Variants in KLHL1 observed in about 807,000 individuals in gnomAD.
KLHL1 encodes the protein kelch-like protein 1.
In KLHL1, 47 loss-of-function variants were observed where a neutral mutation model predicts 77.7. The observed-to-expected ratio is 0.60, with a 90% CI of 0.48 to 0.77. The LOEUF is 0.77. Ranked by LOEUF, KLHL1 falls within the 30% of genes least tolerant of loss-of-function variation. KLHL1 has a pLI of 0.00. For synonymous variants in KLHL1, 360 were observed against 325.2 expected, an observed-to-expected ratio of 1.11 and a Z score of -1.15; for missense variants, 925 against 910.8, an observed-to-expected ratio of 1.02 and a Z score of -0.20.
intron 1 of KLHL1, among the ~76,000 whole-genome samples, chr13:70,084,464 C>CTT (rs1266369112): frequency 1.5e-5 from 2 of 129,048 alleles, no homozygotes; most frequent in South Asian, 2.3e-4. Context: ...TCTTCTTCTT[C>CTT]TTTTTTTTTT....
At chr13:69,919,102 G>A (rs1013611805) in intron 4 of KLHL1, among the ~76,000 whole-genome samples, 3 of 152,172 alleles carry the variant, frequency 2.0e-5, no homozygotes, top group African/African-American at 4.8e-5. Flanking sequence ...GGTCTAATTC[G>A]GCATTTTGCC....
intron 5 of KLHL1, among the ~76,000 whole-genome samples, chr13:69,869,189 A>G (rs894359718): frequency 5.3e-5 from 8 of 152,278 alleles, no homozygotes; most frequent in Admixed American, 5.2e-4. Flanking sequence ...AAGTTAAGTG[A>G]CAGAAGCCTA....
rs142455222 is a variant in KLHL1, at chr13:70,011,273, G to C, written c.498-35471C>G. On this transcript the variant is annotated intron_variant, in intron 1 of 10. Transcript: ENST00000377844. ...ATAAACTACATTAAATGCTTTGGAAGTATCCATTAATTCAAGGAAAGAAGC... is the reference window on the plus strand; with the variant it reads ...ATAAACTACATTAAATGCTTTGGAACTATCCATTAATTCAAGGAAAGAAGC... Among the ~76,000 whole-genome samples, 790 of 152,214 alleles carry C rather than the reference G, an allele frequency of 5.2e-3. 8 individuals are homozygous for C. The highest frequency in any genetic ancestry group is 0.018 in the African/African-American group (761 of 41,542).
In KLHL1 at chr13:69,940,163, C is replaced by T; in HGVS notation, c.891G>A (p.Val297=). 6 of 1,612,016 alleles carry T rather than the reference C, an allele frequency of 3.7e-6. No homozygotes were observed. The highest frequency in any genetic ancestry group is 4.2e-6 in the Non-Finnish European group (5 of 1,178,790). ...TGAGGAAGTGGCAGCACACTTCCAC[C>T]ACCTGTGGAAGCTGAAGAAGGCACG... ...AAACLLQLPQ[V]VEVCCHFLMK... is the part of the protein sequence containing the mutation. Residue 297 remains valine, a synonymous_variant, in exon 4 of 11, where the codon GTG becomes GTA. Coordinates refer to ENST00000377844, the MANE Select transcript of KLHL1 (RefSeq NM_020866.3).
chr13:70,057,089 G>C lies in KLHL1; in HGVS notation c.497+50114C>G, dbSNP rs75609568. ...AGAAAGACTCAAATAAATAAAATTA[G>C]AGATAAAAAAACATTACAACTGATA... is the stretch of plus-strand genomic sequence containing the variant. On this transcript the variant is annotated intron_variant, in intron 1 of 10. Coordinates refer to ENST00000377844, the MANE Select transcript of KLHL1 (RefSeq NM_020866.3). 9.1e-4 allele frequency among the ~76,000 whole-genome samples: 139 copies of C among 152,118 alleles called. No homozygotes were observed. In the East Asian group the frequency reaches 0.016, roughly 18 times the overall value.
At chr13:69,779,055 C>A (rs979009693) in intron 7 of KLHL1, among the ~76,000 whole-genome samples, 1 of 152,132 alleles carries the variant, frequency 6.6e-6, no homozygotes, top group Non-Finnish European at 1.5e-5. Flanking sequence ...ACCTCAGCCT[C>A]CCAAAGTGCT....
intron 5 of KLHL1, among the ~76,000 whole-genome samples, chr13:69,847,258 A>C (rs1879500098): frequency 6.6e-6 from 1 of 151,460 alleles, no homozygotes; most frequent in Non-Finnish European, 1.5e-5. Context: ...CATTTACATT[A>C]TAAAAACTTG....
intron 6 of KLHL1, among the ~76,000 whole-genome samples, chr13:69,820,699 T>G (rs12429374): frequency 0.13 from 20,196 of 152,086 alleles, 1,761 homozygotes; most frequent in African/African-American, 0.23. Flanking sequence ...CAAGGGACAT[T>G]CAGGCCGAAT....
chr13:69,930,546 C>A (rs1882967691), intron 4 of KLHL1, among the ~76,000 whole-genome samples: 1 of 151,764 alleles, frequency 6.6e-6, no homozygotes, highest in Non-Finnish European at 1.5e-5. Flanking sequence ...GAATCTCCTT[C>A]CAAAGAATAC....
chr13:69,812,640 C>T (rs180761387), intron 6 of KLHL1, among the ~76,000 whole-genome samples: 6 of 151,918 alleles, frequency 3.9e-5, no homozygotes, highest in African/African-American at 1.4e-4. Context: ...ACAAACAACC[C>T]CATCAAAAAG....
At chr13:69,909,773 T>C (rs1321678166) in intron 4 of KLHL1, among the ~76,000 whole-genome samples, 1 of 152,114 alleles carries the variant, frequency 6.6e-6, no homozygotes, top group Non-Finnish European at 1.5e-5. Context: ...ATAGAAAATC[T>C]AGTAAAAGCA....
At position 69,770,357 on chromosome 13, in the gene KLHL1, C is replaced by T. The variant is rs112617712; in HGVS notation, c.1639+26381G>A. 4.9e-4 allele frequency among the ~76,000 whole-genome samples: 74 copies of T among 152,346 alleles called. 1 individual carries two copies. The highest frequency in any genetic ancestry group is 1.7e-3 in the African/African-American group (71 of 41,578). ...GGCATGAACAAAACTCATGCAGAAG[C>T]TTTGCTGGCCACGGAGGTTTCTGGC... On this transcript the variant is annotated intron_variant, in intron 7 of 10. Transcript: ENST00000377844.
At chr13:69,731,834 AAG>A (rs772522538) in intron 8 of KLHL1, among the ~76,000 whole-genome samples, 1 of 152,170 alleles carries the variant, frequency 6.6e-6, no homozygotes, top group Non-Finnish European at 1.5e-5. Context: ...GAAAAAAATT[AAG>A]AGACTTAAAT....
At chr13:69,718,613 T>C (rs1021174207) in intron 9 of KLHL1, among the ~76,000 whole-genome samples, 2 of 152,088 alleles carry the variant, frequency 1.3e-5, no homozygotes, top group African/African-American at 4.8e-5. Flanking sequence ...TCCTATGTAA[T>C]AGGAAATATT....
intron 2 of KLHL1, among the ~76,000 whole-genome samples, chr13:69,968,867 A>C (rs1402334519): frequency 6.6e-6 from 1 of 151,710 alleles, no homozygotes; most frequent in Non-Finnish European, 1.5e-5. Context: ...CCTAAAACTT[A>C]AAGTATAATA....
At chr13:69,995,472 A>C (rs1318305926) in intron 1 of KLHL1, among the ~76,000 whole-genome samples, 1 of 152,104 alleles carries the variant, frequency 6.6e-6, no homozygotes, top group Non-Finnish European at 1.5e-5. Flanking sequence ...CTCTCTCTCC[A>C]AGTTATTTTA....
At chr13:70,032,965 A>G (rs1886142294) in intron 1 of KLHL1, among the ~76,000 whole-genome samples, 1 of 152,118 alleles carries the variant, frequency 6.6e-6, no homozygotes, top group African/African-American at 2.4e-5. Flanking sequence ...TTGATCATAG[A>G]TATTTTGAAT....
intron 7 of KLHL1, among the ~76,000 whole-genome samples, chr13:69,781,832 C>G (rs1876228787): frequency 6.6e-6 from 1 of 152,114 alleles, no homozygotes; most frequent in Non-Finnish European, 1.5e-5. Flanking sequence ...CTTTACTTCT[C>G]TACTATAATG....
intron 1 of KLHL1, among the ~76,000 whole-genome samples, chr13:70,075,050 T>C (rs536895907): frequency 2.0e-5 from 3 of 152,134 alleles, no homozygotes; most frequent in Non-Finnish European, 4.4e-5. Context: ...AAAAGTCAGA[T>C]TAATAGGAAG....
Sources: allele counts gnomAD v4.1 joint callset (sites outside exome capture counted in the v4.1 genomes callset), GRCh38; gene constraint gnomAD v4.1.1; transcripts MANE v1.5; gene names NCBI Gene and HGNC (gene_info 2026-07-23, HGNC 2026-07-21).